The following ARL15 variants were observed in gnomAD, a reference collection of about 807,000 sequenced individuals.
ARL15 encodes the protein ARF like GTPase 15.
Under a neutral mutation model 25.2 loss-of-function variants are expected in ARL15, and 19 were observed. That is an observed-to-expected ratio of 0.75 (90% confidence interval 0.53 to 1.10). The LOEUF is 1.10. Among genes scored for constraint, ARL15 ranks in the 50% least tolerant of loss-of-function variants. ARL15 has a pLI of 0.00. For synonymous variants in ARL15, 94 were observed against 86.8 expected, an observed-to-expected ratio of 1.08 and a Z score of -0.46; for missense variants, 220 against 246.0, an observed-to-expected ratio of 0.89 and a Z score of 0.71.
chr5:54,148,395 TA>T (rs1203642684), intron 3 of ARL15, among the ~76,000 whole-genome samples: 1 of 152,008 alleles, frequency 6.6e-6, no homozygotes, highest in Non-Finnish European at 1.5e-5. Flanking sequence ...GAAGAAACCT[TA>T]AAAAAATGGC....
chr5:54,086,189 C>G (rs112283373), intron 4 of ARL15, among the ~76,000 whole-genome samples: 1 of 152,144 alleles, frequency 6.6e-6, no homozygotes, highest in Admixed American at 6.5e-5. Context: ...GCTGGGATTA[C>G]AGCCATGAGC....
intron 1 of ARL15, among the ~76,000 whole-genome samples, chr5:54,244,559 G>A (rs1222000903): frequency 6.6e-6 from 1 of 152,074 alleles, no homozygotes; most frequent in Non-Finnish European, 1.5e-5. Context: ...ACACAATAAA[G>A]GTCAAGCTAA....
intron 2 of ARL15, among the ~76,000 whole-genome samples, chr5:54,170,014 T>A (rs960583042): frequency 7.9e-5 from 12 of 152,176 alleles, no homozygotes; most frequent in Non-Finnish European, 1.5e-4. Context: ...TGCACTTTTT[T>A]AAAACTTACT....
intron 4 of ARL15, among the ~76,000 whole-genome samples, chr5:53,967,319 A>G (rs1580126141): frequency 6.6e-6 from 1 of 152,250 alleles, no homozygotes; most frequent in East Asian, 1.9e-4. Flanking sequence ...CTCTCTTCAA[A>G]ATTTCACTAG....
chr5:54,230,346 G>GAAAACAAAA (rs1756633189), intron 1 of ARL15, among the ~76,000 whole-genome samples: 1 of 91,854 alleles, frequency 1.1e-5, no homozygotes, highest in African/African-American at 4.3e-5. Flanking sequence ...TTCCATCTCA[G>GAAAACAAAA]AAAAAAAAAA....
intron 3 of ARL15, among the ~76,000 whole-genome samples, chr5:54,140,201 C>T (rs1753726444): frequency 6.7e-6 from 1 of 149,434 alleles, no homozygotes; most frequent in Non-Finnish European, 1.5e-5. Flanking sequence ...TCTTAACTTA[C>T]TGGAACAAAA....
chr5:53,960,211 C>T (rs1747315927), intron 4 of ARL15, among the ~76,000 whole-genome samples: 1 of 152,160 alleles, frequency 6.6e-6, no homozygotes, highest in Non-Finnish European at 1.5e-5. Flanking sequence ...CATTATCTCA[C>T]AAGCTGAAGC....
intron 4 of ARL15, among the ~76,000 whole-genome samples, chr5:53,990,493 A>G (rs1421978415): frequency 6.6e-6 from 1 of 152,206 alleles, no homozygotes; most frequent in Admixed American, 6.5e-5. Flanking sequence ...AAATTCTTAA[A>G]CAATTAGCTT....
intron 3 of ARL15, among the ~76,000 whole-genome samples, chr5:54,145,869 T>C (rs1192872458): frequency 2.0e-5 from 3 of 152,150 alleles, no homozygotes; most frequent in Non-Finnish European, 2.9e-5. Flanking sequence ...ACCCTTAAGA[T>C]TATGGTTTGT....
Position 54,263,570 on chromosome 5 carries a change from G to T in ARL15, c.48+46862C>A, listed in dbSNP as rs1038801124. Among the ~76,000 whole-genome samples, 7 of 152,120 alleles carry T rather than the reference G, an allele frequency of 4.6e-5. No homozygotes were observed. The South Asian group carries it at 1.2e-3, about 27-fold the overall frequency. ...ATAACCCTATGGTTCCACGAAGAAA[G>T]GAAACAGGAAACTGGAGCAAGCCAT... On this transcript the variant is annotated intron_variant, in intron 1 of 4. Transcript: ENST00000504924.
chr5:54,226,891 T>C (rs1756534813), intron 1 of ARL15, among the ~76,000 whole-genome samples: 1 of 151,858 alleles, frequency 6.6e-6, no homozygotes, highest in Non-Finnish European at 1.5e-5. Flanking sequence ...ATCATGGGGG[T>C]GGTTCTCCCA....
At chr5:54,059,757 C>T (rs1001420281) in intron 4 of ARL15, among the ~76,000 whole-genome samples, 1 of 151,992 alleles carries the variant, frequency 6.6e-6, no homozygotes, top group East Asian at 1.9e-4. Context: ...TTTAAAGGGT[C>T]CATTTTAGTT....
intron 4 of ARL15, among the ~76,000 whole-genome samples, chr5:54,080,809 C>T (rs746949758): frequency 2.6e-5 from 4 of 152,156 alleles, no homozygotes. Flanking sequence ...TCTCTTCATT[C>T]ATCAGAAGAA....
intron 1 of ARL15, among the ~76,000 whole-genome samples, chr5:54,196,709 C>T (rs901347264): frequency 2.0e-5 from 3 of 151,956 alleles, no homozygotes; most frequent in Admixed American, 6.6e-5. Context: ...ATTCAGTGCT[C>T]TTTCTTCATT....
intron 4 of ARL15, among the ~76,000 whole-genome samples, chr5:53,964,590 G>C (rs2112161212): frequency 6.6e-6 from 1 of 152,234 alleles, no homozygotes; most frequent in Non-Finnish European, 1.5e-5. Context: ...TTGATCTCCT[G>C]ACCTCGTGAT....
intron 4 of ARL15, among the ~76,000 whole-genome samples, chr5:53,985,485 C>T (rs1388429504): frequency 1.3e-5 from 2 of 152,158 alleles, no homozygotes; most frequent in Non-Finnish European, 2.9e-5. Context: ...TCCCCAAACC[C>T]TGGCAACCAC....
intron 3 of ARL15, among the ~76,000 whole-genome samples, chr5:54,125,719 CTA>C (rs1753230798): frequency 6.6e-6 from 1 of 152,108 alleles, no homozygotes. Context: ...AATGTTAATT[CTA>C]TGTTTAACTT....
chr5:54,064,731 A>G (rs1159372435), intron 4 of ARL15, among the ~76,000 whole-genome samples: 1 of 16,828 alleles, frequency 5.9e-5, no homozygotes, highest in Non-Finnish European at 1.1e-4. Context: ...TCTAGTGAGT[A>G]AAAAAAAAAA....
chr5:54,023,923 C>A (rs1345042055), intron 4 of ARL15, among the ~76,000 whole-genome samples: 1 of 152,160 alleles, frequency 6.6e-6, no homozygotes, highest in African/African-American at 2.4e-5. Flanking sequence ...GGTGTATGTT[C>A]TTCAAGCCCA....
Sources: gnomAD v4.1 joint callset for allele counts (sites outside exome capture counted in the v4.1 genomes callset) on GRCh38, gnomAD v4.1.1 for gene constraint, MANE v1.5 for transcripts, NCBI Gene and HGNC (gene_info 2026-07-23, HGNC 2026-07-21) for gene names.